The following GRIK3 variants were observed in gnomAD, a reference collection of about 807,000 sequenced individuals.
GRIK3 encodes glutamate receptor ionotropic, kainate 3.
In GRIK3, 29 loss-of-function variants were observed where a neutral mutation model predicts 102.5. The ratio of observed to expected loss-of-function variants is 0.28; its 90% CI spans 0.21 to 0.39. The LOEUF is 0.39. Ranked by LOEUF, GRIK3 falls within the 10% of genes least tolerant of loss-of-function variation. GRIK3 has a pLI of 1.00. For synonymous variants in GRIK3, 511 were observed against 504.9 expected (o/e 1.01, Z -0.16); for missense variants, 908 against 1,252.4 (o/e 0.73, Z 4.15).
intron 1 of GRIK3, among the ~76,000 whole-genome samples, chr1:36,983,684 T>C (rs536214980): frequency 6.6e-6 from 1 of 152,234 alleles, no homozygotes; most frequent in East Asian, 1.9e-4. Flanking sequence ...ATGATGCTCA[T>C]GGGGGGAAAC....
At chr1:36,888,257 C>T (rs1285310728) in intron 2 of GRIK3, among the ~76,000 whole-genome samples, 1 of 152,016 alleles carries the variant, frequency 6.6e-6, no homozygotes, top group Non-Finnish European at 1.5e-5. Flanking sequence ...CTCACGGATA[C>T]GAGACAAAGC....
At chr1:36,957,668 T>C (rs1167335760) in intron 1 of GRIK3, among the ~76,000 whole-genome samples, 2 of 145,038 alleles carry the variant, frequency 1.4e-5, no homozygotes, top group Non-Finnish European at 1.5e-5. Flanking sequence ...TCTGTGAGTC[T>C]GTGCCCCGTG....
intron 9 of GRIK3, among the ~76,000 whole-genome samples, chr1:36,849,201 C>A (rs1002672735): frequency 6.6e-6 from 1 of 152,156 alleles, no homozygotes. Flanking sequence ...TGCCACCCAG[C>A]CACCAAGCAC....
At chr1:37,002,935 G>A (rs1009825819) in intron 1 of GRIK3, among the ~76,000 whole-genome samples, 22 of 151,734 alleles carry the variant, frequency 1.4e-4, no homozygotes, top group South Asian at 1.2e-3. Flanking sequence ...GCCACTGCAC[G>A]GCCAATGTTG....
intron 1 of GRIK3, among the ~76,000 whole-genome samples, chr1:36,997,050 T>C (rs1334944014): frequency 1.3e-5 from 2 of 152,182 alleles, no homozygotes; most frequent in Non-Finnish European, 2.9e-5. Context: ...AGGCTGGTTC[T>C]AGGGACAGCC....
intron 10 of GRIK3, among the ~76,000 whole-genome samples, chr1:36,831,934 G>A (rs985059637): frequency 2.0e-5 from 3 of 151,656 alleles, no homozygotes; most frequent in African/African-American, 7.3e-5. Context: ...TCTTACCTCC[G>A]GATGCTGCAC....
intron 1 of GRIK3, among the ~76,000 whole-genome samples, chr1:36,942,529 T>A (rs1323591021): frequency 1.3e-5 from 2 of 152,154 alleles, no homozygotes; most frequent in African/African-American, 2.4e-5. Flanking sequence ...GGCTGTTCCC[T>A]TGCCTGCAGC....
chr1:36,956,032 C>T (rs1321718049), intron 1 of GRIK3, among the ~76,000 whole-genome samples: 5 of 152,262 alleles, frequency 3.3e-5, no homozygotes, highest in African/African-American at 1.2e-4. Flanking sequence ...GCTCCACCAA[C>T]AGCCAGAGCG....
intron 7 of GRIK3, among the ~76,000 whole-genome samples, chr1:36,854,313 A>G (rs1409041314): frequency 1.3e-5 from 2 of 152,216 alleles, no homozygotes; most frequent in African/African-American, 4.8e-5. Context: ...GTGCAATGGA[A>G]CTAATCATTG....
intron 1 of GRIK3, among the ~76,000 whole-genome samples, chr1:36,911,275 G>C (rs1016243713): frequency 2.6e-5 from 4 of 152,168 alleles, no homozygotes; most frequent in Non-Finnish European, 5.9e-5. Flanking sequence ...AGCTAAGCAT[G>C]TGGGCTCTGC....
intron 1 of GRIK3, among the ~76,000 whole-genome samples, chr1:36,914,513 C>G (rs1038848409): frequency 1.3e-5 from 2 of 152,140 alleles, no homozygotes; most frequent in Non-Finnish European, 1.5e-5. Context: ...GAGCATCTTA[C>G]TGGAAACACG....
At chr1:36,837,313 A>G (rs1640391131) in intron 10 of GRIK3, among the ~76,000 whole-genome samples, 1 of 152,000 alleles carries the variant, frequency 6.6e-6, no homozygotes, top group Non-Finnish European at 1.5e-5. Context: ...TGTTTCCCAA[A>G]TCCTCAATTT....
intron 13 of GRIK3, among the ~76,000 whole-genome samples, chr1:36,814,414 C>T (rs1034884776): frequency 2.6e-5 from 4 of 151,658 alleles, no homozygotes; most frequent in Non-Finnish European, 4.4e-5. Context: ...CACACACATA[C>T]ACATGCAGAC....
intron 1 of GRIK3, among the ~76,000 whole-genome samples, chr1:36,949,278 T>C (rs903063403): frequency 6.6e-6 from 1 of 152,160 alleles, no homozygotes; most frequent in Non-Finnish European, 1.5e-5. Flanking sequence ...TGATCCTAGC[T>C]CTACACTGAA....
intron 15 of GRIK3, among the ~76,000 whole-genome samples, chr1:36,803,976 G>A (rs1642470982): frequency 6.6e-6 from 1 of 152,224 alleles, no homozygotes; most frequent in African/African-American, 2.4e-5. Flanking sequence ...AGGCCAAAAT[G>A]TATGGATGCT....
chr1:36,935,920 T>C (rs1452199860), intron 1 of GRIK3, among the ~76,000 whole-genome samples: 1 of 152,194 alleles, frequency 6.6e-6, no homozygotes, highest in Non-Finnish European at 1.5e-5. Context: ...CTCCCTCAGA[T>C]TGCTTTCTGA....
chr1:36,833,674 A>G lies in GRIK3; in HGVS notation c.1531-7848T>C, dbSNP rs1289631710. Among the ~76,000 whole-genome samples, 8 of 152,216 alleles carry G rather than the reference A, an allele frequency of 5.3e-5. No homozygotes were observed. In the East Asian group the frequency reaches 1.5e-3, roughly 29 times the overall value. ...AGTTCCTAGTTGGGAGGAAGATGAG[A>G]CACAGCGGGGGCAATGGTAGTGTGT... On this transcript the variant is annotated intron_variant, in intron 10 of 15. Coordinates refer to ENST00000373091, the MANE Select transcript of GRIK3 (RefSeq NM_000831.4).
chr1:36,856,788 C>T (rs1318753668), intron 7 of GRIK3, among the ~76,000 whole-genome samples: 2 of 152,140 alleles, frequency 1.3e-5, no homozygotes, highest in African/African-American at 4.8e-5. Flanking sequence ...GAATCTGCTC[C>T]CCTCAGGGAC....
chr1:36,805,199 G>T lies in GRIK3; in HGVS notation c.2353C>A (p.Gln785Lys). 1 of 1,613,726 alleles carries T rather than the reference G, an allele frequency of 6.2e-7. No homozygotes were observed. The highest frequency in any genetic ancestry group is 1.3e-5 in the African/African-American group (1 of 75,046). ...YRDKITIAIL[Q>K]LQEEDKLHIM... is the part of the protein sequence containing the mutation. The stretch of plus-strand genomic sequence containing the variant: ...TGCAGCTTGTCCTCCTCCTGAAGCT[G>T]CAGGATGGCGATGGTGATCTTGTCC... Residue 785 changes from glutamine to lysine, a missense_variant, in exon 15 of 16, where the codon CAG becomes AAG. Physicochemically the swap from Gln to Lys is moderately conservative, Grantham distance 53. Transcript: ENST00000373091.
Sources: gnomAD v4.1 joint callset for allele counts (sites outside exome capture counted in the v4.1 genomes callset) on GRCh38, gnomAD v4.1.1 for gene constraint, MANE v1.5 for transcripts, NCBI Gene and HGNC (gene_info 2026-07-23, HGNC 2026-07-21) for gene names.